The following GIN1 variants were observed in gnomAD, a reference collection of about 807,000 sequenced individuals.
GIN1 encodes gypsy retrotransposon integrase-like protein 1.
A neutral mutation model predicts 51.4 loss-of-function variants in GIN1; 41 were observed. That is an observed-to-expected ratio of 0.80 (90% CI 0.62 to 1.04). The LOEUF is 1.04. Ranked by LOEUF, GIN1 falls within the 50% of genes least tolerant of loss-of-function variation. The probability of loss-of-function intolerance (pLI) is 0.00; values close to 1 mark genes in which losing one functional copy is unlikely to be tolerated. For missense variants in GIN1, 610 were observed against 612.4 expected, an observed-to-expected ratio of 1.00 and a Z score of 0.04; for synonymous variants, 222 against 206.5, an observed-to-expected ratio of 1.07 and a Z score of -0.64.
chr5:103,088,444 T>C (rs887309093), intron 7 of GIN1, among the ~76,000 whole-genome samples: 1 of 152,108 alleles, frequency 6.6e-6, no homozygotes, highest in Admixed American at 6.6e-5. Flanking sequence ...TTGGTAGATA[T>C]GTATATATGC....
At chr5:103,099,000 T>C (rs1787489357) in intron 4 of GIN1, among the ~76,000 whole-genome samples, 1 of 151,976 alleles carries the variant, frequency 6.6e-6, no homozygotes, top group South Asian at 2.1e-4. Context: ...CTTTCAGACT[T>C]TTTTTTTCCT....
chr5:103,106,944 T>G lies in GIN1; in HGVS notation c.140-35A>C, dbSNP rs531692723. The G allele has an allele frequency of 4.8e-5, 55 of 1,139,634 alleles. No homozygotes were observed. The Admixed American group carries it at 1.2e-3, about 25-fold the overall frequency. The allele number at this position is 1,139,634 out of a possible 1,614,324, so 70.6% of individuals were successfully genotyped here. On this transcript the variant is annotated intron_variant, in intron 2 of 7. Transcript: ENST00000399004. ...ATGATACCAAAAGATAGAATTGCAA[T>G]TTTTAGAGATCTACGTAGTTTTAAG...
At chr5:103,115,105 C>G (rs1554197242) in intron 1 of GIN1, among the ~76,000 whole-genome samples, 2 of 152,146 alleles carry the variant, frequency 1.3e-5, no homozygotes, top group African/African-American at 4.8e-5. Context: ...ATTCATTGAT[C>G]TAAAAAATGT....
At chr5:103,118,439 A>G (rs1554197675) in intron 1 of GIN1, among the ~76,000 whole-genome samples, 1 of 152,160 alleles carries the variant, frequency 6.6e-6, no homozygotes, top group Non-Finnish European at 1.5e-5. Flanking sequence ...CTTCACCTAC[A>G]TGAAAAAATA....
intron 3 of GIN1, 55 bp from the exon 4 acceptor site, chr5:103,104,901 T>C: frequency 9.5e-7 from 1 of 1,048,942 alleles, no homozygotes; most frequent in Non-Finnish European, 1.4e-6. Flanking sequence ...CTCAACACAA[T>C]ATAAAAGCAG....
At chr5:103,118,624 C>G (rs1424465071) in intron 1 of GIN1, among the ~76,000 whole-genome samples, 1 of 151,830 alleles carries the variant, frequency 6.6e-6, no homozygotes, top group Non-Finnish European at 1.5e-5. Context: ...AGACAGATGA[C>G]AAGGAGAAAT....
At chr5:103,089,473 T>TTCATTCATGGTCTTGCTCTG (rs1190100394) in intron 7 of GIN1, among the ~76,000 whole-genome samples, 1 of 152,138 alleles carries the variant, frequency 6.6e-6, no homozygotes, top group Non-Finnish European at 1.5e-5. Flanking sequence ...CACTCATTCA[T>TTCATTCATGGTCTTGCTCTG]TCATTCATGG....
chr5:103,099,568 G>GA (rs1787509981), intron 4 of GIN1, among the ~76,000 whole-genome samples: 2 of 152,026 alleles, frequency 1.3e-5, no homozygotes, highest in Admixed American at 1.3e-4. Flanking sequence ...AATGACCCTT[G>GA]AAAAAGGCTT....
intron 4 of GIN1, among the ~76,000 whole-genome samples, chr5:103,103,690 G>A (rs1787639163): frequency 6.6e-6 from 1 of 152,122 alleles, no homozygotes; most frequent in African/African-American, 2.4e-5. Flanking sequence ...CCAGAGCAAG[G>A]GAGAAAGTAC....
At chr5:103,102,428 G>C (rs1787600389) in intron 4 of GIN1, 1 of 152,128 alleles carries the variant, frequency 6.6e-6, no homozygotes. Flanking sequence ...GTTACAATTT[G>C]TTTGATGACA....
At chr5:103,092,103 A>T (rs1377524307) in intron 7 of GIN1, among the ~76,000 whole-genome samples, 1 of 151,752 alleles carries the variant, frequency 6.6e-6, no homozygotes, top group Non-Finnish European at 1.5e-5. Context: ...ATTGCAGCTC[A>T]GTCTCCCGGG....
chr5:103,116,924 C>T (rs1438547930), intron 1 of GIN1, among the ~76,000 whole-genome samples: 1 of 152,006 alleles, frequency 6.6e-6, no homozygotes, highest in South Asian at 2.1e-4. Flanking sequence ...ATGCTAGGTA[C>T]TACCAAGGAT....
At chr5:103,117,700 G>A (rs1788081168) in intron 1 of GIN1, among the ~76,000 whole-genome samples, 1 of 151,942 alleles carries the variant, frequency 6.6e-6, no homozygotes, top group African/African-American at 2.4e-5. Flanking sequence ...AGTGACTCAC[G>A]ACTACAGCTG....
chr5:103,092,984 GA>G (rs75470529), intron 7 of GIN1, among the ~76,000 whole-genome samples: 34,785 of 114,872 alleles, frequency 0.3, 4,933 homozygotes, highest in East Asian at 0.49. Context: ...AAAAGAGAAA[GA>G]AAAAAAAAAG....
At chr5:103,096,395 G>A in intron 7 of GIN1, 146 bp downstream of exon 7, 1 of 632,098 alleles carries the variant, frequency 1.6e-6, no homozygotes, top group East Asian at 2.7e-5. Flanking sequence ...TAATAAAACA[G>A]ACTACCTGGG....
At chr5:103,117,547 G>C (rs782111925) in intron 1 of GIN1, among the ~76,000 whole-genome samples, 1 of 115,272 alleles carries the variant, frequency 8.7e-6, no homozygotes, top group African/African-American at 2.7e-5. Flanking sequence ...ATAATGTGCA[G>C]GGACATTTGG....
Position 103,106,880 on chromosome 5 carries a change from T to C in GIN1, c.169A>G (p.Arg57Gly). 6.3e-7 allele frequency: 1 copy of C among 1,580,602 alleles called. No individual in the cohort carries two copies. The highest frequency in any genetic ancestry group is 1.2e-5 in the South Asian group (1 of 85,236). Residue 57 changes from arginine to glycine, a missense_variant, in exon 3 of 8, where the codon AGA (arginine) becomes GGA (glycine). Physicochemically the swap from Arg to Gly is moderately radical, Grantham distance 125. Coordinates refer to ENST00000399004, the MANE Select transcript of GIN1 (RefSeq NM_017676.2). ...ACAATTACCAAACGATTTTGTTTTC[T>C]GTCTTTTCCAACATAAAACAGCTTT... The part of the protein sequence containing the change: ...EKKLFYVGKD[R>G]KQNRLVIVSE...
At chr5:103,111,531 G>T (rs1787882493) in intron 1 of GIN1, among the ~76,000 whole-genome samples, 1 of 152,034 alleles carries the variant, frequency 6.6e-6, no homozygotes, top group East Asian at 1.9e-4. Flanking sequence ...CTTCCTTTTA[G>T]AGACCAGTAA....
intron 1 of GIN1, among the ~76,000 whole-genome samples, chr5:103,117,699 C>A (rs1358078917): frequency 1.3e-5 from 2 of 152,018 alleles, no homozygotes; most frequent in African/African-American, 4.8e-5. Context: ...AAGTGACTCA[C>A]GACTACAGCT....
Sources: gnomAD v4.1 joint callset for allele counts (sites outside exome capture counted in the v4.1 genomes callset) on GRCh38, gnomAD v4.1.1 for gene constraint, MANE v1.5 for transcripts, NCBI Gene and HGNC (gene_info 2026-07-23, HGNC 2026-07-21) for gene names.